The following PLD5 variants were observed in gnomAD, a reference collection of about 807,000 sequenced individuals.
PLD5 encodes inactive phospholipase D5.
Under a neutral mutation model 61.1 loss-of-function variants are expected in PLD5, and 36 were observed. That is an observed-to-expected ratio of 0.59 (90% CI 0.45 to 0.78). The LOEUF (loss-of-function observed/expected upper bound fraction) is 0.78, where lower values mean the gene tolerates loss of function less well. Ranked by LOEUF, PLD5 falls within the 30% of genes least tolerant of loss-of-function variation. PLD5 has a pLI of 0.00. For missense variants in PLD5, 515 were observed against 644.4 expected (o/e 0.80, Z 2.17); for synonymous variants, 243 against 242.8 (o/e 1.00, Z -0.01).
At chr1:242,463,718 C>A (rs895089652) in intron 1 of PLD5, among the ~76,000 whole-genome samples, 1 of 151,978 alleles carries the variant, frequency 6.6e-6, no homozygotes, top group African/African-American at 2.4e-5. Context: ...TACCCGTATC[C>A]CATCCTCGTG....
chr1:242,253,205 C>T (rs1362785814), intron 4 of PLD5, among the ~76,000 whole-genome samples: 2 of 147,126 alleles, frequency 1.4e-5, no homozygotes, highest in East Asian at 2.0e-4. Flanking sequence ...GATCACAGCT[C>T]ACTGCAGGGT....
Position 242,089,791 on chromosome 1 carries a change from C to T in PLD5, c.*63G>A. The stretch of plus-strand genomic sequence containing the variant: ...AGAGACATATTAAAGTGTTTTTTCT[C>T]TCCTCAAGTCCTTTATGTATAAATA... On this transcript the variant is annotated 3_prime_UTR_variant, in exon 10 of 10. Transcript: ENST00000536534. The T allele has an allele frequency of 1.9e-6, 3 of 1,579,232 alleles. No homozygotes were observed. Among genetic ancestry groups the T allele is most frequent in the South Asian group, 1.2e-5 (1 of 86,420 alleles).
chr1:242,110,298 G>A (rs1431179136), intron 7 of PLD5, among the ~76,000 whole-genome samples: 3 of 151,874 alleles, frequency 2.0e-5, no homozygotes, highest in African/African-American at 7.3e-5. Flanking sequence ...CCTTAAGACA[G>A]GAAAGCTTTT....
At chr1:242,154,152 T>A (rs1250227032) in intron 5 of PLD5, among the ~76,000 whole-genome samples, 2 of 152,164 alleles carry the variant, frequency 1.3e-5, no homozygotes, top group African/African-American at 4.8e-5. Context: ...GTTTGTCTGT[T>A]ATTGGTGTAT....
chr1:242,480,104 C>G (rs762599176), intron 1 of PLD5, among the ~76,000 whole-genome samples: 1 of 151,574 alleles, frequency 6.6e-6, no homozygotes, highest in Non-Finnish European at 1.5e-5. Flanking sequence ...AATTTGACTT[C>G]AAGACATACT....
intron 4 of PLD5, among the ~76,000 whole-genome samples, chr1:242,261,003 T>A (rs1673344990): frequency 1.3e-5 from 2 of 152,258 alleles, no homozygotes; most frequent in African/African-American, 4.8e-5. Context: ...AGTGTAATTC[T>A]AATACAATTT....
chr1:242,250,819 G>A (rs1158438488), intron 4 of PLD5, among the ~76,000 whole-genome samples: 4 of 152,158 alleles, frequency 2.6e-5, no homozygotes, highest in Non-Finnish European at 5.9e-5. Flanking sequence ...AAACTGTTAG[G>A]ATGTCATTTG....
At chr1:242,340,079 A>G (rs1659745605) in intron 2 of PLD5, among the ~76,000 whole-genome samples, 1 of 152,216 alleles carries the variant, frequency 6.6e-6, no homozygotes, top group South Asian at 2.1e-4. Flanking sequence ...GCTCACTATC[A>G]GCTCAAATGG....
At position 242,168,846 on chromosome 1, in the gene PLD5, G is replaced by GTTTTTTTTTTTTTTTTTTTTTTT. The variant is rs34280777; in HGVS notation, c.736-44182_736-44181insAAAAAAAAAAAAAAAAAAAAAAA. 3.6e-4 allele frequency among the ~76,000 whole-genome samples: 40 copies of GTTTTTTTTTTTTTTTTTTTTTTT among 111,274 alleles called. 4 individuals are homozygous for GTTTTTTTTTTTTTTTTTTTTTTT. Among genetic ancestry groups the GTTTTTTTTTTTTTTTTTTTTTTT allele is most frequent in the African/African-American group, 1.4e-3 (38 of 26,790 alleles). 73.0% of individuals were successfully genotyped at this position (111,274 alleles called of 152,430 possible). On this transcript the variant is annotated intron_variant, in intron 5 of 9. Transcript: ENST00000536534. ...TCCATGACAGTTTTTAATTAATGAA[G>GTTTTTTTTTTTTTTTTTTTTTTT]TTTTTTTTTTTTTTTTTTTTACCAC... is the stretch of plus-strand genomic sequence containing the variant.
At position 242,090,065 on chromosome 1, in the gene PLD5, G is replaced by A. The variant is rs776225344; in HGVS notation, c.1400C>T (p.Thr467Met). Residue 467 changes from threonine (T) to methionine (M), a missense_variant, in exon 10 of 10, where the codon ACG becomes ATG. Thr to Met is a moderately conservative substitution (Grantham distance 81). Coordinates refer to ENST00000536534, the MANE Select transcript of PLD5 (RefSeq NM_001372062.1). ...ATCTGCCTGGTTGATAACAAGGCCC[G>A]TGCCAGCATTCTGAGTGAAATCATT... ...VGNDFTQNAG[T>M]GLVINQADVR... is the part of the protein sequence containing the mutation. 7.4e-6 allele frequency: 12 copies of A among 1,614,010 alleles called. No individual in the cohort carries two copies. Among genetic ancestry groups the A allele is most frequent in the East Asian group, 4.5e-5 (2 of 44,888 alleles).
intron 2 of PLD5, among the ~76,000 whole-genome samples, chr1:242,321,355 G>A (rs971151302): frequency 1.5e-4 from 22 of 151,196 alleles, no homozygotes; most frequent in Admixed American, 4.0e-4. Context: ...CCAGGCTGGA[G>A]TACAATGGCA....
chr1:242,179,582 G>A (rs316871), intron 5 of PLD5, among the ~76,000 whole-genome samples: 127,652 of 152,126 alleles, frequency 0.84, 54,048 homozygotes, highest in African/African-American at 0.95. Context: ...TCTAACCAGA[G>A]ATCATTGTAG....
intron 2 of PLD5, 135 bp downstream of exon 2, chr1:242,347,971 A>T: frequency 1.9e-6 from 2 of 1,025,696 alleles, no homozygotes; most frequent in Non-Finnish European, 2.9e-6. Context: ...TAGTGGACAG[A>T]CTCACACCTC....
At chr1:242,464,402 T>A (rs1667212847) in intron 1 of PLD5, among the ~76,000 whole-genome samples, 1 of 152,232 alleles carries the variant, frequency 6.6e-6, no homozygotes, top group African/African-American at 2.4e-5. Context: ...TTCTTCCCTA[T>A]TTAGCACATA....
chr1:242,463,914 T>C (rs919727761), intron 1 of PLD5, among the ~76,000 whole-genome samples: 7 of 152,100 alleles, frequency 4.6e-5, no homozygotes, highest in Admixed American at 4.6e-4. Context: ...TCCCATTTCT[T>C]CCCTTCCCTG....
intron 2 of PLD5, among the ~76,000 whole-genome samples, chr1:242,344,143 A>G (rs1659997207): frequency 6.6e-6 from 1 of 152,242 alleles, no homozygotes; most frequent in African/African-American, 2.4e-5. Flanking sequence ...TTGATTAATG[A>G]CCAACAGCTT....
chr1:242,351,633 A>G lies in PLD5; in HGVS notation c.190-3391T>C, dbSNP rs532948472. ...AGTCCATAAAACCTCTCTTTCCTTT[A>G]TAAATTACCCAGTCTCGGGTATGTC... On this transcript the variant is annotated intron_variant, in intron 1 of 9. Transcript: ENST00000536534. Among the ~76,000 whole-genome samples, 5 of 152,276 alleles carry G rather than the reference A, an allele frequency of 3.3e-5. No individual in the cohort carries two copies. In the South Asian group the frequency reaches 1.0e-3, roughly 32 times the overall value.
At chr1:242,338,374 T>C (rs1158581633) in intron 2 of PLD5, among the ~76,000 whole-genome samples, 3 of 152,110 alleles carry the variant, frequency 2.0e-5, no homozygotes, top group Admixed American at 6.5e-5. Context: ...AAACAGGTTG[T>C]CTGTGGAAAA....
intron 4 of PLD5, among the ~76,000 whole-genome samples, chr1:242,227,219 T>A (rs1375542189): frequency 2.0e-5 from 3 of 152,072 alleles, no homozygotes; most frequent in Non-Finnish European, 4.4e-5. Flanking sequence ...ACCATTTTGA[T>A]TTTTATTTTT....
Sources: allele counts gnomAD v4.1 joint callset (sites outside exome capture counted in the v4.1 genomes callset), GRCh38; gene constraint gnomAD v4.1.1; transcripts MANE v1.5; gene names NCBI Gene and HGNC (gene_info 2026-07-23, HGNC 2026-07-21).